The following SH3RF2 variants were observed in gnomAD, a reference collection of about 807,000 sequenced individuals.
SH3RF2 encodes the protein E3 ubiquitin-protein ligase SH3RF2.
Under a neutral mutation model 59.0 loss-of-function variants are expected in SH3RF2, and 43 were observed. The ratio of observed to expected loss-of-function variants is 0.73; its 90% CI spans 0.57 to 0.94. The LOEUF is 0.94. Among genes scored for constraint, SH3RF2 ranks in the 40% least tolerant of loss-of-function variants. The probability of loss-of-function intolerance (pLI) is 0.00; values close to 1 mark genes in which losing one functional copy is unlikely to be tolerated. For missense variants in SH3RF2, 930 were observed against 940.1 expected (o/e 0.99, Z 0.14); for synonymous variants, 391 against 391.5 (o/e 1.00, Z 0.01).
chr5:145,960,225 T>G (rs1482253241), intron 2 of SH3RF2, among the ~76,000 whole-genome samples: 4 of 152,146 alleles, frequency 2.6e-5, no homozygotes, highest in Non-Finnish European at 5.9e-5. Flanking sequence ...GCTGTTCAAC[T>G]TCTAAATTTT....
At position 146,014,038 on chromosome 5, in the gene SH3RF2, G is replaced by A. The variant is rs371599705; in HGVS notation, c.1036G>A (p.Val346Ile). The A allele has an allele frequency of 3.0e-5, 49 of 1,613,950 alleles. No individual in the cohort carries two copies. Among genetic ancestry groups the A allele is most frequent in the South Asian group, 6.6e-5 (6 of 91,070 alleles). The change falls in exon 5 of 10, where the codon GTT becomes ATT. Residue 346 changes from valine (V) to isoleucine (I), a missense_variant. By Grantham distance (29) the Val-to-Ile change is conservative. Coordinates refer to ENST00000359120, the MANE Select transcript of SH3RF2 (RefSeq NM_152550.4). ...VITQPMEKAD[V>I]PSSCVGQVST... Reference sequence around the variant, plus strand: ...CACCCAGCCCATGGAGAAAGCAGACGTTCCTTCCAGCTGTGTGGGACAGGT... The same window carrying A: ...CACCCAGCCCATGGAGAAAGCAGACATTCCTTCCAGCTGTGTGGGACAGGT...
chr5:146,004,230 ATTCCT>A, intron 4 of SH3RF2, 77 bp downstream of exon 4: 2 of 1,189,216 alleles, frequency 1.7e-6, no homozygotes, highest in Non-Finnish European at 2.4e-6. Flanking sequence ...CCTGAGAGCA[ATTCCT>A]ATTTGCTATG....
At chr5:146,050,344 CT>C (rs1328737310) in intron 7 of SH3RF2, among the ~76,000 whole-genome samples, 2 of 152,262 alleles carry the variant, frequency 1.3e-5, no homozygotes, top group East Asian at 1.9e-4. Context: ...TAAAAGGCAG[CT>C]TTTTCTAGCC....
Position 146,000,244 on chromosome 5 carries a change from C to T in SH3RF2, c.565C>T (p.Pro189Ser), listed in dbSNP as rs776960220. 1 of 1,613,782 alleles carries T rather than the reference C, an allele frequency of 6.2e-7. No homozygotes were observed. Among genetic ancestry groups the T allele is most frequent in the African/African-American group, 1.3e-5 (1 of 74,910 alleles). The change falls in exon 3 of 10, where the codon CCC (proline) becomes TCC (serine). Residue 189 changes from proline (P) to serine (S), a missense_variant. By Grantham distance (74) the Pro-to-Ser change is moderately conservative. Coordinates refer to ENST00000359120, the MANE Select transcript of SH3RF2 (RefSeq NM_152550.4). ...VEVIKQLPQP[P>S]PLCRALYNFD... ...AGTCATCAAGCAGCTGCCCCAGCCG[C>T]CCCCGCTCTGCAGGGCCCTCTACAA...
intron 5 of SH3RF2, among the ~76,000 whole-genome samples, chr5:146,040,497 A>G (rs1762089317): frequency 6.6e-6 from 1 of 152,044 alleles, no homozygotes; most frequent in Non-Finnish European, 1.5e-5. Context: ...GGGGAAGGGA[A>G]TGGAGAAAGG....
Position 146,054,335 on chromosome 5 carries a change from G to T in SH3RF2, c.1323-1646G>T, listed in dbSNP as rs76599033. The stretch of plus-strand genomic sequence containing the variant: ...GGACTGATGGAATAAGGCTGGTGTG[G>T]GCCTAATTAGCTGTATGCTGCCCTT... On this transcript the variant is annotated intron_variant, in intron 7 of 9. Transcript: ENST00000359120. Among the ~76,000 whole-genome samples the T allele has an allele frequency of 9.5e-3, 1,449 of 152,206 alleles. 20 individuals are homozygous for T. Among genetic ancestry groups the T allele is most frequent in the African/African-American group, 0.033 (1,358 of 41,508 alleles).
intron 2 of SH3RF2, among the ~76,000 whole-genome samples, chr5:145,958,546 C>T (rs1160460239): frequency 1.3e-5 from 2 of 152,136 alleles, no homozygotes; most frequent in African/African-American, 2.4e-5. Flanking sequence ...TTTTAAAATG[C>T]CTCCGTATAA....
intron 2 of SH3RF2, among the ~76,000 whole-genome samples, chr5:145,999,643 G>C (rs191585835): frequency 7.2e-4 from 110 of 151,920 alleles, no homozygotes; most frequent in Non-Finnish European, 9.1e-4. Flanking sequence ...GAGAGGGAGA[G>C]AGATGGGAAA....
At chr5:146,040,893 A>G (rs6877534) in intron 5 of SH3RF2, among the ~76,000 whole-genome samples, 4,645 of 152,200 alleles carry the variant, frequency 0.031, 251 homozygotes, top group African/African-American at 0.11. Flanking sequence ...AAAGGACAAG[A>G]AAAACAAGCA....
chr5:146,036,907 G>A (rs996973965), intron 5 of SH3RF2, among the ~76,000 whole-genome samples: 1 of 152,204 alleles, frequency 6.6e-6, no homozygotes. Flanking sequence ...GGAAAAGGAA[G>A]AAAGACTCCT....
chr5:146,039,329 A>G (rs1187605679), intron 5 of SH3RF2, among the ~76,000 whole-genome samples: 1 of 152,230 alleles, frequency 6.6e-6, no homozygotes, highest in Non-Finnish European at 1.5e-5. Context: ...GTTCATCAAA[A>G]GACACCACAG....
At chr5:145,991,840 C>G (rs1456969428) in intron 2 of SH3RF2, among the ~76,000 whole-genome samples, 1 of 152,112 alleles carries the variant, frequency 6.6e-6, no homozygotes, top group Non-Finnish European at 1.5e-5. Context: ...AGAAAGAAAG[C>G]TAGCAATTTA....
intron 2 of SH3RF2, among the ~76,000 whole-genome samples, chr5:145,972,763 A>T (rs1759137229): frequency 6.6e-6 from 1 of 152,172 alleles, no homozygotes; most frequent in Non-Finnish European, 1.5e-5. Flanking sequence ...ATTTGGCATC[A>T]TGGAAAGTCA....
intron 5 of SH3RF2, among the ~76,000 whole-genome samples, chr5:146,038,454 T>A (rs1762017708): frequency 6.6e-6 from 1 of 152,154 alleles, no homozygotes; most frequent in Non-Finnish European, 1.5e-5. Flanking sequence ...AAAAATGTAA[T>A]GGGAATAAAC....
intron 2 of SH3RF2, among the ~76,000 whole-genome samples, chr5:145,987,268 T>A (rs796482694): frequency 2.6e-5 from 4 of 152,292 alleles, no homozygotes; most frequent in African/African-American, 9.6e-5. Flanking sequence ...TTAGGGGTGA[T>A]TTGTGAGATT....
At chr5:146,013,590 A>G (rs1048080154) in intron 4 of SH3RF2, among the ~76,000 whole-genome samples, 157 bp from the exon 5 acceptor site, 3 of 152,210 alleles carry the variant, frequency 2.0e-5, no homozygotes, top group African/African-American at 7.2e-5. Context: ...CATCGATAAA[A>G]GATGGAAGCT....
chr5:145,964,799 C>T (rs1234341412), intron 2 of SH3RF2, among the ~76,000 whole-genome samples: 2 of 152,160 alleles, frequency 1.3e-5, no homozygotes, highest in African/African-American at 4.8e-5. Flanking sequence ...CACGCTCCAG[C>T]AGAAAATCAT....
intron 5 of SH3RF2, among the ~76,000 whole-genome samples, chr5:146,019,494 G>C (rs1761228330): frequency 6.6e-6 from 1 of 152,132 alleles, no homozygotes; most frequent in African/African-American, 2.4e-5. Context: ...CCAGTACCAT[G>C]CTATTGTGGT....
chr5:146,064,586 GGAGAGAGAGAGAGAGAGAGAGA>G (rs70998047), downstream of SH3RF2, among the ~76,000 whole-genome samples: 1 of 41,408 alleles, frequency 2.4e-5, no homozygotes, highest in African/African-American at 1.2e-4. Flanking sequence ...GAAGGAAGGG[GGAGAGAGAGAGAGAGAGAGAGA>G]GAGAGAGGGA....
Sources: gnomAD v4.1 joint callset for allele counts (sites outside exome capture counted in the v4.1 genomes callset) on GRCh38, gnomAD v4.1.1 for gene constraint, MANE v1.5 for transcripts, NCBI Gene and HGNC (gene_info 2026-07-23, HGNC 2026-07-21) for gene names.